Variants in CDH23 observed in about 807,000 individuals in gnomAD.
The protein encoded by CDH23 is cadherin related 23.
CDH23 carries 189 observed loss-of-function variants against 317.1 expected under a neutral mutation model. That is an observed-to-expected ratio of 0.60 (90% CI 0.53 to 0.67). The LOEUF (loss-of-function observed/expected upper bound fraction) is 0.67. CDH23 is among the 30% of genes least tolerant of loss of function. The pLI, the probability that CDH23 is intolerant of heterozygous loss-of-function variation, is 0.00. For missense variants in CDH23, 4,401 were observed against 4,592.4 expected, an observed-to-expected ratio of 0.96 and a Z score of 1.20; for synonymous variants, 1,839 against 1,876.8, an observed-to-expected ratio of 0.98 and a Z score of 0.52.
At chr10:71,451,940 C>T (rs1027819229) in intron 3 of CDH23, among the ~76,000 whole-genome samples, 2 of 152,206 alleles carry the variant, frequency 1.3e-5, no homozygotes, top group Admixed American at 6.5e-5. Context: ...GCCAGGCGCT[C>T]CCCTCCCCAG....
At chr10:71,400,558 C>T (rs1249671613) in intron 1 of CDH23, among the ~76,000 whole-genome samples, 2 of 152,272 alleles carry the variant, frequency 1.3e-5, no homozygotes, top group Middle Eastern at 3.4e-3. Flanking sequence ...CTAGCACTTT[C>T]GGAGGCCAAG....
intron 9 of CDH23, among the ~76,000 whole-genome samples, chr10:71,599,795 T>TTGTAACGTGCTTCAAC (rs1309412135): frequency 6.6e-6 from 1 of 152,168 alleles, no homozygotes; most frequent in Non-Finnish European, 1.5e-5. Flanking sequence ...TAACGTGCTG[T>TTGTAACGTGCTTCAAC]GTGTTGTTGA....
chr10:71,516,178 C>A (rs2132217647), intron 6 of CDH23, among the ~76,000 whole-genome samples: 1 of 152,346 alleles, frequency 6.6e-6, no homozygotes, highest in Non-Finnish European at 1.5e-5. Context: ...CTCACAGAAA[C>A]AAAGCCAGGC....
chr10:71,630,191 T>C (rs1368569128), intron 11 of CDH23, among the ~76,000 whole-genome samples: 2 of 152,002 alleles, frequency 1.3e-5, no homozygotes, highest in African/African-American at 4.8e-5. Context: ...CTAGCTAATT[T>C]TTAAACTTTT....
At chr10:71,770,142 A>G (rs1840653658) in intron 38 of CDH23, among the ~76,000 whole-genome samples, 1 of 152,250 alleles carries the variant, frequency 6.6e-6, no homozygotes, top group Admixed American at 6.5e-5. Context: ...TAGGCCCTGT[A>G]GAGAGCAAGC....
chr10:71,560,148 G>A (rs531379488), intron 6 of CDH23, among the ~76,000 whole-genome samples: 2 of 152,300 alleles, frequency 1.3e-5, no homozygotes, highest in South Asian at 4.2e-4. Context: ...ATATTTGGAA[G>A]TGACATCCTC....
At chr10:71,548,295 T>C (rs1400523866) in intron 6 of CDH23, among the ~76,000 whole-genome samples, 3 of 151,948 alleles carry the variant, frequency 2.0e-5, no homozygotes. Context: ...GTGTGCGTGG[T>C]GGAGGGGGGT....
At chr10:71,623,004 T>C (rs1245484868) in intron 11 of CDH23, 2 of 965,124 alleles carry the variant, frequency 2.1e-6, no homozygotes, top group African/African-American at 3.5e-5. Context: ...TAGTTATTAA[T>C]TCAAGCAACA....
chr10:71,763,229 A>C lies in CDH23; in HGVS notation c.4846-14451A>C, dbSNP rs373006594. Reference sequence around the variant, plus strand: ...CCCTCTGTTGCCCAGGCTGACCTTGAACTCCTGGCTTCAAGCAATTCTCCT... The same window carrying C: ...CCCTCTGTTGCCCAGGCTGACCTTGCACTCCTGGCTTCAAGCAATTCTCCT... On this transcript the variant is annotated intron_variant, in intron 38 of 69. Transcript: ENST00000224721. Among the ~76,000 whole-genome samples, 9 of 152,318 alleles carry C rather than the reference A, an allele frequency of 5.9e-5. No homozygotes were observed. The East Asian group carries it at 1.3e-3, about 23-fold the overall frequency.
At chr10:71,653,526 T>A (rs1863277190) in intron 14 of CDH23, among the ~76,000 whole-genome samples, 2 of 152,228 alleles carry the variant, frequency 1.3e-5, no homozygotes, top group Non-Finnish European at 2.9e-5. Flanking sequence ...GGAAAGCCAG[T>A]TCACTGCCTG....
At chr10:71,782,836 G>T (rs1840992762) in intron 41 of CDH23, among the ~76,000 whole-genome samples, 1 of 152,246 alleles carries the variant, frequency 6.6e-6, no homozygotes, top group South Asian at 2.1e-4. Flanking sequence ...CCCCCAGGCA[G>T]GGTGAAGCCT....
At chr10:71,716,433 G>A in intron 28 of CDH23, 1 of 1,040,414 alleles carries the variant, frequency 9.6e-7, no homozygotes, top group Non-Finnish European at 1.4e-6. Context: ...AATGTGGATG[G>A]GGGCAAGGCA....
At chr10:71,701,199 G>C (rs895074422) in intron 22 of CDH23, among the ~76,000 whole-genome samples, 3 of 152,214 alleles carry the variant, frequency 2.0e-5, no homozygotes, top group African/African-American at 7.2e-5. Flanking sequence ...CCTAAGACTG[G>C]CCTGTGCCTC....
chr10:71,491,318 C>T (rs2132140948), intron 3 of CDH23, among the ~76,000 whole-genome samples: 1 of 152,288 alleles, frequency 6.6e-6, no homozygotes, highest in Non-Finnish European at 1.5e-5. Flanking sequence ...TCCAGTGTGG[C>T]TAACTCATCA....
rs1221464948 is a variant in CDH23, at chr10:71,805,829, G to GTACGAGT, written c.7902_7903insTTACGAG (p.Val2635LeufsTer10). On this transcript the variant is annotated frameshift_variant, in exon 56 of 70. Transcript: ENST00000224721. LOFTEE classifies it high-confidence loss of function. ...AGGAGATCCCGCTGCGCTCCAACGTGTACGAGGTCTACGCCACGGACAAGG... is the reference window on the plus strand; with the variant it reads ...AGGAGATCCCGCTGCGCTCCAACGTGTACGAGTTACGAGGTCTACGCCACGGACAAGG... The GTACGAGT allele has an allele frequency of 2.5e-6, 4 of 1,613,570 alleles. No homozygotes were observed. The highest frequency in any genetic ancestry group is 3.4e-6 in the Non-Finnish European group (4 of 1,179,822).
At chr10:71,513,899 C>T (rs1854130747) in intron 6 of CDH23, among the ~76,000 whole-genome samples, 1 of 152,088 alleles carries the variant, frequency 6.6e-6, no homozygotes, top group African/African-American at 2.4e-5. Flanking sequence ...CATTCAATTC[C>T]TCTCTTGGCC....
chr10:71,751,282 G>C lies in CDH23; in HGVS notation c.4845+9361G>C, dbSNP rs144472269. The C allele has an allele frequency of 4.3e-6, 7 of 1,610,224 alleles. No individual in the cohort carries two copies. The highest frequency in any genetic ancestry group is 5.1e-6 in the Non-Finnish European group (6 of 1,177,978). On this transcript the variant is annotated intron_variant, in intron 38 of 69. Coordinates refer to ENST00000224721, the MANE Select transcript of CDH23 (RefSeq NM_022124.6). This position sits in a 1 kb window ranked among gnomAD's most constrained non-coding sequence, Gnocchi z 4.9. ...ATGACCTCAAAGTTTGGAGAGTCAGGGACAGGGTCTGCAAGAAAAGGAGAA... is the reference window on the plus strand; with the variant it reads ...ATGACCTCAAAGTTTGGAGAGTCAGCGACAGGGTCTGCAAGAAAAGGAGAA...
At chr10:71,495,879 C>T (rs1852938433) in intron 3 of CDH23, among the ~76,000 whole-genome samples, 1 of 151,354 alleles carries the variant, frequency 6.6e-6, no homozygotes, top group South Asian at 2.1e-4. Flanking sequence ...ATTTCTAGGA[C>T]CTGGACTCAT....
intron 1 of CDH23, among the ~76,000 whole-genome samples, chr10:71,406,761 AC>A (rs1176531279): frequency 2.6e-5 from 4 of 152,276 alleles, no homozygotes; most frequent in African/African-American, 9.6e-5. Context: ...TAGTCATTGA[AC>A]CCTTACTGTG....
Sources: gnomAD v4.1 joint callset for allele counts (sites outside exome capture counted in the v4.1 genomes callset) on GRCh38, gnomAD v4.1.1 for gene constraint, Gnocchi (gnomAD v3.1) non-coding constraint, MANE v1.5 for transcripts, NCBI Gene and HGNC (gene_info 2026-07-23, HGNC 2026-07-21) for gene names.